The following FBXL17 variants were observed in gnomAD, a reference collection of about 807,000 sequenced individuals.
FBXL17 encodes F-box/LRR-repeat protein 17.
Under a neutral mutation model 66.2 loss-of-function variants are expected in FBXL17, and 22 were observed. That is an observed-to-expected ratio of 0.33 (90% confidence interval 0.24 to 0.47). The LOEUF (loss-of-function observed/expected upper bound fraction) is 0.47. Among genes scored for constraint, FBXL17 ranks in the 20% least tolerant of loss-of-function variants. The probability of loss-of-function intolerance (pLI) is 1.00; values close to 1 mark genes in which losing one functional copy is unlikely to be tolerated. For synonymous variants in FBXL17, 474 were observed against 400.5 expected (o/e 1.18, Z -2.19); for missense variants, 878 against 948.2 (o/e 0.93, Z 0.97).
chr5:108,261,529 G>C, intron 4 of FBXL17, among the ~76,000 whole-genome samples: 1 of 151,998 alleles, frequency 6.6e-6, no homozygotes. Flanking sequence ...TTTGACTCTA[G>C]AATTTTACAT....
chr5:108,334,642 C>T (rs1428388603), intron 4 of FBXL17, among the ~76,000 whole-genome samples: 7 of 152,122 alleles, frequency 4.6e-5, no homozygotes, highest in African/African-American at 1.4e-4. Context: ...CTTTTATTTT[C>T]GCTTCTTCAT....
Position 108,110,080 on chromosome 5 carries a change from T to C in FBXL17, c.1745+76037A>G, listed in dbSNP as rs903486379. Among the ~76,000 whole-genome samples the C allele has an allele frequency of 2.6e-5, 4 of 152,080 alleles. No homozygotes were observed. In the East Asian group the frequency reaches 7.7e-4, roughly 29 times the overall value. On this transcript the variant is annotated intron_variant, in intron 6 of 8. Transcript: ENST00000542267. ...TCATAGCCTATTGGTACCACACAGC[T>C]TCTAAATGGGAAGGGTGTGCCCGTA...
At chr5:108,075,100 A>G (rs558162752) in intron 6 of FBXL17, among the ~76,000 whole-genome samples, 51 of 152,198 alleles carry the variant, frequency 3.4e-4, no homozygotes, top group African/African-American at 1.2e-3. Context: ...CCAGCTGTGC[A>G]TGTTTTTCAC....
At chr5:108,293,070 A>T (rs1225175664) in intron 4 of FBXL17, among the ~76,000 whole-genome samples, 1 of 147,808 alleles carries the variant, frequency 6.8e-6, no homozygotes, top group Non-Finnish European at 1.5e-5. Flanking sequence ...CCTGGGCAAC[A>T]GAGCAAGACT....
intron 6 of FBXL17, among the ~76,000 whole-genome samples, chr5:108,117,452 T>C (rs1380770724): frequency 6.6e-6 from 1 of 152,168 alleles, no homozygotes; most frequent in African/African-American, 2.4e-5. Flanking sequence ...AATTACTAGA[T>C]TATGAATAAA....
At position 108,171,016 on chromosome 5, in the gene FBXL17, G is replaced by A. The variant is rs191945800; in HGVS notation, c.1745+15101C>T. 2.6e-3 allele frequency among the ~76,000 whole-genome samples: 391 copies of A among 152,202 alleles called. 1 individual carries two copies. The highest frequency in any genetic ancestry group is 3.9e-3 in the Non-Finnish European group (263 of 68,010). On this transcript the variant is annotated intron_variant, in intron 6 of 8. Transcript: ENST00000542267. ...ACGAAATACCAAAACTATCTTTAAT[G>A]TATATAAAGTCAAGGGCTTATATTT...
chr5:108,329,287 A>G (rs186988720), intron 4 of FBXL17, among the ~76,000 whole-genome samples: 162 of 152,280 alleles, frequency 1.1e-3, no homozygotes, highest in African/African-American at 3.7e-3. Flanking sequence ...TTTGCCTTAG[A>G]TGGACTACCA....
At chr5:107,928,400 G>T (rs1402997168) in intron 7 of FBXL17, among the ~76,000 whole-genome samples, 1 of 149,822 alleles carries the variant, frequency 6.7e-6, no homozygotes, top group Non-Finnish European at 1.5e-5. Flanking sequence ...CTTTCCAAGA[G>T]ACAAAAAGCT....
chr5:108,376,493 AAAG>A (rs1263609116), intron 1 of FBXL17, among the ~76,000 whole-genome samples: 1 of 152,246 alleles, frequency 6.6e-6, no homozygotes, highest in Non-Finnish European at 1.5e-5. Context: ...ATAGCATCAA[AAAG>A]AATAAAACTT....
chr5:108,268,738 A>C (rs1412042759), intron 4 of FBXL17, among the ~76,000 whole-genome samples: 1 of 152,114 alleles, frequency 6.6e-6, no homozygotes, highest in East Asian at 1.9e-4. Flanking sequence ...GTTTTTAATT[A>C]AGGGACTTTA....
intron 6 of FBXL17, among the ~76,000 whole-genome samples, chr5:108,056,695 T>C (rs1459714546): frequency 2.0e-5 from 3 of 152,138 alleles, no homozygotes; most frequent in Non-Finnish European, 4.4e-5. Flanking sequence ...CCTAGAAAAC[T>C]AGCTAAGGAG....
chr5:107,861,756 C>T lies in FBXL17; in HGVS notation c.2070G>A (p.Met690Ile), dbSNP rs1452687156. ...CGGCAGACATGTTGGGGGTCCAGCC[C>T]ATCTGATAGGCTCTCTCCAAGGTCC... ...CKRTLERAYQ[M>I]GWTPNMSAAS... The change falls in exon 9 of 9, where the codon ATG becomes ATA. Residue 690 changes from methionine (M) to isoleucine (I), a missense_variant. By Grantham distance (10) the Met-to-Ile change is conservative. Around this residue, in one of 4 missense-constraint regions of FBXL17, gnomAD observed 31 missense variants for 27.0 expected, o/e 1.15. Coordinates refer to ENST00000542267, the MANE Select transcript of FBXL17 (RefSeq NM_001163315.3). The T allele has an allele frequency of 2.5e-6, 4 of 1,586,312 alleles. No homozygotes were observed. The highest frequency in any genetic ancestry group is 3.4e-6 in the Non-Finnish European group (4 of 1,164,006).
chr5:108,194,823 T>TA (rs1364645330), intron 5 of FBXL17, among the ~76,000 whole-genome samples: 1 of 152,140 alleles, frequency 6.6e-6, no homozygotes, highest in Non-Finnish European at 1.5e-5. Flanking sequence ...GCCCCATACT[T>TA]AGAGATTTTG....
chr5:107,943,360 A>C (rs1021947896), intron 7 of FBXL17, among the ~76,000 whole-genome samples: 2 of 152,058 alleles, frequency 1.3e-5, no homozygotes, highest in Admixed American at 1.3e-4. Context: ...CCATTCATCT[A>C]TTCCTAGGTT....
chr5:108,352,821 T>C (rs1747739149), intron 3 of FBXL17, among the ~76,000 whole-genome samples: 1 of 152,182 alleles, frequency 6.6e-6, no homozygotes, highest in African/African-American at 2.4e-5. Context: ...ATATAATTCT[T>C]CTAAATAAAA....
chr5:108,193,446 A>G (rs1753551416), intron 5 of FBXL17, among the ~76,000 whole-genome samples: 1 of 152,166 alleles, frequency 6.6e-6, no homozygotes, highest in Non-Finnish European at 1.5e-5. Flanking sequence ...ACTGCTGGGA[A>G]TGAAAAGAAA....
chr5:107,922,483 T>C (rs890551933), intron 7 of FBXL17, among the ~76,000 whole-genome samples: 1 of 152,090 alleles, frequency 6.6e-6, no homozygotes, highest in Non-Finnish European at 1.5e-5. Context: ...GAAAACATAA[T>C]AGGTTAAAAA....
intron 6 of FBXL17, among the ~76,000 whole-genome samples, chr5:108,164,440 A>G (rs1459193064): frequency 2.0e-5 from 3 of 152,148 alleles, no homozygotes; most frequent in Non-Finnish European, 4.4e-5. Context: ...GTTCTGCTTT[A>G]TTTAACCTAA....
chr5:107,859,392 T>A lies in FBXL17; in HGVS notation c.*2328A>T, dbSNP rs1379665112. 13 of 25,824 alleles carry A rather than the reference T, an allele frequency of 5.0e-4. No homozygotes were observed. Among genetic ancestry groups the A allele is most frequent in the African/African-American group, 2.2e-3 (13 of 5,870 alleles). 1.6% of individuals were successfully genotyped at this position (25,824 alleles called of 1,614,324 possible). ...CAAGGTGATGCTTTTTTCTGGCTGT[T>A]TTTTTTTTTTTTTTTTTTTTTTTTT... On this transcript the variant is annotated 3_prime_UTR_variant, in exon 9 of 9. Coordinates refer to ENST00000542267, the MANE Select transcript of FBXL17 (RefSeq NM_001163315.3).
Sources: gnomAD v4.1 joint callset for allele counts (sites outside exome capture counted in the v4.1 genomes callset) on GRCh38, gnomAD v4.1.1 for gene constraint, gnomAD v4.1.1 regional missense constraint, MANE v1.5 for transcripts, NCBI Gene and HGNC (gene_info 2026-07-23, HGNC 2026-07-21) for gene names.